The following STIM1 variants were observed in gnomAD, a reference collection of about 807,000 sequenced individuals.
STIM1 encodes stromal interaction molecule 1.
A neutral mutation model predicts 74.7 loss-of-function variants in STIM1; 25 were observed. The ratio of observed to expected loss-of-function variants is 0.33; its 90% CI spans 0.24 to 0.47. STIM1 has a LOEUF of 0.47. Among genes scored for constraint, STIM1 ranks in the 20% least tolerant of loss-of-function variants. The pLI, the probability that STIM1 is intolerant of heterozygous loss-of-function variation, is 1.00. For synonymous variants in STIM1, 328 were observed against 348.8 expected, an observed-to-expected ratio of 0.94 and a Z score of 0.66; for missense variants, 728 against 920.8, an observed-to-expected ratio of 0.79 and a Z score of 2.71.
chr11:3,975,271 A>T (rs2093435944), intron 2 of STIM1, among the ~76,000 whole-genome samples: 1 of 152,220 alleles, frequency 6.6e-6, no homozygotes, highest in Non-Finnish European at 1.5e-5. Flanking sequence ...AAGTGAGAAA[A>T]GTGCTGTTTA....
At chr11:3,866,404 C>A (rs1341390288) in intron 1 of STIM1, among the ~76,000 whole-genome samples, 1 of 151,580 alleles carries the variant, frequency 6.6e-6, no homozygotes, top group Non-Finnish European at 1.5e-5. Flanking sequence ...ACCCTGCTTA[C>A]GCCACAAGAG....
At chr11:3,877,243 C>CATTATT (rs147307800) in intron 1 of STIM1, among the ~76,000 whole-genome samples, 1,607 of 150,124 alleles carry the variant, frequency 0.011, 17 homozygotes, top group South Asian at 0.03. Flanking sequence ...TACAGAACAA[C>CATTATT]ATTATTATTA....
intron 2 of STIM1, among the ~76,000 whole-genome samples, chr11:3,992,278 G>A (rs2093624162): frequency 6.6e-6 from 1 of 151,268 alleles, no homozygotes; most frequent in African/African-American, 2.4e-5. Flanking sequence ...GCTAGGCATG[G>A]TGATGTGTGC....
intron 1 of STIM1, among the ~76,000 whole-genome samples, chr11:3,943,026 G>A (rs1465478426): frequency 6.6e-6 from 1 of 152,184 alleles, no homozygotes; most frequent in Non-Finnish European, 1.5e-5. Context: ...AGCAACCAGG[G>A]TTATATCATT....
At chr11:3,992,720 CCT>C (rs2093627791) in intron 2 of STIM1, among the ~76,000 whole-genome samples, 1 of 152,102 alleles carries the variant, frequency 6.6e-6, no homozygotes. Context: ...ATGACTTACC[CCT>C]GTGTTTTCTT....
chr11:3,902,614 G>A (rs1344776313), intron 1 of STIM1, among the ~76,000 whole-genome samples: 1 of 152,216 alleles, frequency 6.6e-6, no homozygotes, highest in Non-Finnish European at 1.5e-5. Flanking sequence ...AGGCAGTAAT[G>A]CTCGCTTGCC....
intron 1 of STIM1, among the ~76,000 whole-genome samples, chr11:3,957,766 G>T (rs1156642083): frequency 6.6e-6 from 1 of 152,038 alleles, no homozygotes; most frequent in African/African-American, 2.4e-5. Context: ...AGATCTCACT[G>T]TGTGGACCAG....
At chr11:3,962,416 T>G (rs934247596) in intron 1 of STIM1, among the ~76,000 whole-genome samples, 1 of 151,944 alleles carries the variant, frequency 6.6e-6, no homozygotes, top group African/African-American at 2.4e-5. Context: ...AAAGACATGA[T>G]TTCATTCTTC....
intron 1 of STIM1, among the ~76,000 whole-genome samples, chr11:3,917,688 CCTCTCA>C (rs1354314464): frequency 6.6e-6 from 1 of 152,104 alleles, no homozygotes; most frequent in Non-Finnish European, 1.5e-5. Context: ...CCTGCCTTGG[CCTCTCA>C]AAGTGTTGGG....
intron 1 of STIM1, among the ~76,000 whole-genome samples, chr11:3,865,446 A>G (rs1001434944): frequency 6.6e-6 from 1 of 152,222 alleles, no homozygotes; most frequent in Non-Finnish European, 1.5e-5. Flanking sequence ...ATATTATATT[A>G]TGTTCACCGA....
chr11:4,005,651 G>T (rs568508784), intron 2 of STIM1, among the ~76,000 whole-genome samples: 88 of 152,050 alleles, frequency 5.8e-4, no homozygotes, highest in African/African-American at 2.0e-3. Flanking sequence ...AATGGGTGCA[G>T]CACACCAGCA....
At chr11:3,855,445 C>T (rs1005418563), upstream of STIM1, 1 of 152,066 alleles carries the variant, frequency 6.6e-6, no homozygotes, top group African/African-American at 2.4e-5. Flanking sequence ...GGACTTGATC[C>T]TTTGCGCGGG....
At chr11:4,048,981 G>A (rs796322961) in intron 3 of STIM1, among the ~76,000 whole-genome samples, 11 of 152,236 alleles carry the variant, frequency 7.2e-5, no homozygotes, top group African/African-American at 2.4e-4. Flanking sequence ...TGATCTGCCC[G>A]CCTCGGCCTC....
At chr11:3,935,191 C>T (rs1253362355) in intron 1 of STIM1, among the ~76,000 whole-genome samples, 2 of 152,168 alleles carry the variant, frequency 1.3e-5, no homozygotes, top group African/African-American at 4.8e-5. Context: ...GTCATCTTAC[C>T]CGTGTTTTTC....
At chr11:4,072,195 G>A (rs2094408158) in intron 6 of STIM1, among the ~76,000 whole-genome samples, 1 of 152,092 alleles carries the variant, frequency 6.6e-6, no homozygotes, top group African/African-American at 2.4e-5. Flanking sequence ...CTTAGAAAGA[G>A]ACAAAGACAC....
Position 3,903,969 on chromosome 11 carries a change from C to T in STIM1, c.139+47560C>T, listed in dbSNP as rs184265604. 2.6e-3 allele frequency among the ~76,000 whole-genome samples: 398 copies of T among 152,084 alleles called. 1 individual carries two copies. Among genetic ancestry groups the T allele is most frequent in the African/African-American group, 8.8e-3 (367 of 41,490 alleles). On this transcript the variant is annotated intron_variant, in intron 1 of 12. Coordinates refer to ENST00000526596, the MANE Select transcript of STIM1 (RefSeq NM_001382567.1). Reference sequence around the variant, plus strand: ...ATCCCAGCACTTTGGGAGGCTGAGGCGGGTAGATCACGAGGTCAGCAGTTC... The same window carrying T: ...ATCCCAGCACTTTGGGAGGCTGAGGTGGGTAGATCACGAGGTCAGCAGTTC...
chr11:4,082,894 A>G lies in STIM1; in HGVS notation c.1150A>G (p.Lys384Glu). Residue 384 changes from lysine (K) to glutamate (E), a missense_variant, in exon 9 of 13, where the codon AAA becomes GAA. Lys to Glu is a moderately conservative substitution (Grantham distance 56). Transcript: ENST00000526596. ...CTCATCTTTGCAGGCTGAGAAGATAAAAAAGAAGAGAAACACACTCTTTGG... is the reference window on the plus strand; with the variant it reads ...CTCATCTTTGCAGGCTGAGAAGATAGAAAAGAAGAGAAACACACTCTTTGG... ...LVAKEGAEKI[K>E]KKRNTLFGTF... 1 of 1,614,112 alleles carries G rather than the reference A, an allele frequency of 6.2e-7. No homozygotes were observed. The highest frequency in any genetic ancestry group is 8.5e-7 in the Non-Finnish European group (1 of 1,179,982).
intron 2 of STIM1, 149 bp from the exon 3 acceptor site, chr11:4,023,724 A>G (rs1017652898): frequency 6.1e-5 from 41 of 674,992 alleles, no homozygotes; most frequent in South Asian, 4.3e-4. Context: ...AGACATGTGC[A>G]TAAGGAAGGA....
chr11:3,876,628 C>T (rs897562183), intron 1 of STIM1, among the ~76,000 whole-genome samples: 5 of 152,076 alleles, frequency 3.3e-5, no homozygotes, highest in African/African-American at 7.2e-5. Flanking sequence ...AGGCTGGTCT[C>T]GAACTCCTGG....
Sources: gnomAD v4.1 joint callset for allele counts (sites outside exome capture counted in the v4.1 genomes callset) on GRCh38, gnomAD v4.1.1 for gene constraint, MANE v1.5 for transcripts, NCBI Gene and HGNC (gene_info 2026-07-23, HGNC 2026-07-21) for gene names.